CSTPP1: variants seen among roughly 807,000 people sequenced by gnomAD.
CSTPP1 encodes the protein centriolar satellite-associated tubulin polyglutamylase complex regulator 1.
chr11:47,058,621 C>T, the CSTPP1 span, among the ~76,000 whole-genome samples: 1 of 152,104 alleles, frequency 6.6e-6, no homozygotes, highest in Admixed American at 6.6e-5. Context: ...TAGCAATTAA[C>T]ATTTATTAAG....
the CSTPP1 span, among the ~76,000 whole-genome samples, chr11:47,062,440 A>T: frequency 3.6e-4 from 55 of 152,282 alleles, no homozygotes; most frequent in African/African-American, 1.2e-3. Context: ...TCTATATTGT[A>T]TAGGAACTTC....
the CSTPP1 span, among the ~76,000 whole-genome samples, chr11:47,106,162 T>C: frequency 6.6e-6 from 1 of 152,198 alleles, no homozygotes; most frequent in Non-Finnish European, 1.5e-5. Flanking sequence ...ACCGCTCCCA[T>C]GGCTGATTTG....
the CSTPP1 span, chr11:47,155,092 T>G: frequency 1.9e-5 from 15 of 779,260 alleles, no homozygotes; most frequent in East Asian, 4.4e-5. Context: ...CCCCGCACTT[T>G]TCCCTTCCTC....
the CSTPP1 span, among the ~76,000 whole-genome samples, chr11:47,027,479 G>C: frequency 6.6e-6 from 1 of 152,162 alleles, no homozygotes. Flanking sequence ...GCAGCCCCCA[G>C]GGTAGGACCA....
chr11:47,014,347 AAG>A, the CSTPP1 span, among the ~76,000 whole-genome samples: 2 of 150,666 alleles, frequency 1.3e-5, no homozygotes, highest in African/African-American at 4.9e-5. Flanking sequence ...ACAGAAAAGA[AAG>A]AGAAAGGAAG....
the CSTPP1 span, chr11:47,157,255 C>T: frequency 6.6e-7 from 1 of 1,526,490 alleles, no homozygotes; most frequent in Non-Finnish European, 8.8e-7. Flanking sequence ...CCCCCCAGCC[C>T]CAGGGGGTCG....
chr11:47,129,387 A>C, the CSTPP1 span, among the ~76,000 whole-genome samples: 1 of 152,210 alleles, frequency 6.6e-6, no homozygotes, highest in Non-Finnish European at 1.5e-5. Context: ...AATGGGTAGG[A>C]AACTGTGTCC....
chr11:47,040,332 T>C, the CSTPP1 span, among the ~76,000 whole-genome samples: 1 of 127,604 alleles, frequency 7.8e-6, no homozygotes, highest in African/African-American at 2.5e-5. Context: ...GTAACTATTT[T>C]GTGGTTTAAG....
chr11:47,142,007 G>C, the CSTPP1 span, among the ~76,000 whole-genome samples: 3 of 151,146 alleles, frequency 2.0e-5, no homozygotes, highest in Non-Finnish European at 4.4e-5. Flanking sequence ...CAGTTTGGGA[G>C]GCCAAGGTGG....
the CSTPP1 span, chr11:47,155,067 C>G: frequency 3.3e-6 from 3 of 903,176 alleles, no homozygotes; most frequent in Non-Finnish European, 5.5e-6. Context: ...AGGAACAGCT[C>G]TCTCTCTCCC....
the CSTPP1 span, chr11:47,157,977 G>C: frequency 6.6e-7 from 1 of 1,509,540 alleles, no homozygotes; most frequent in South Asian, 1.1e-5. Flanking sequence ...ACAGGGAGCA[G>C]CTGGCCTCTG....
At chr11:47,077,331 C>G in the CSTPP1 span, among the ~76,000 whole-genome samples, 1 of 151,984 alleles carries the variant, frequency 6.6e-6, no homozygotes, top group African/African-American at 2.4e-5. Context: ...TCCCAAGCAG[C>G]TGAGATTAGA....
chr11:47,156,619 G>A, the CSTPP1 span, among the ~76,000 whole-genome samples: 1 of 152,190 alleles, frequency 6.6e-6, no homozygotes, highest in African/African-American at 2.4e-5. Flanking sequence ...TATGTGCCAA[G>A]CACAGTGCTA....
the CSTPP1 span, chr11:47,157,759 C>T: frequency 6.5e-7 from 1 of 1,536,412 alleles, no homozygotes; most frequent in Non-Finnish European, 9.0e-7. Flanking sequence ...AGTATGGATG[C>T]AGAGGTGGCC....
chr11:47,009,395 T>C, the CSTPP1 span, among the ~76,000 whole-genome samples: 1 of 152,174 alleles, frequency 6.6e-6, no homozygotes, highest in African/African-American at 2.4e-5. Context: ...CATAAAGGAA[T>C]CTAATTTGAC....
At chr11:47,136,040 T>A in the CSTPP1 span, among the ~76,000 whole-genome samples, 2 of 152,172 alleles carry the variant, frequency 1.3e-5, no homozygotes, top group Non-Finnish European at 2.9e-5. Flanking sequence ...CCAAGGATAT[T>A]TTGTAGGTAA....
chr11:47,034,714 G>C, the CSTPP1 span, among the ~76,000 whole-genome samples: 2 of 151,966 alleles, frequency 1.3e-5, no homozygotes, highest in Non-Finnish European at 2.9e-5. Flanking sequence ...GCCCAAGCTG[G>C]TTTCAAACTC....
the CSTPP1 span, among the ~76,000 whole-genome samples, chr11:47,009,041 A>AG: frequency 6.6e-6 from 1 of 151,978 alleles, no homozygotes. Flanking sequence ...AAAAAAAAAA[A>AG]AAAAATTTCC....
At chr11:46,969,403 G>A in the CSTPP1 span, among the ~76,000 whole-genome samples, 1 of 152,180 alleles carries the variant, frequency 6.6e-6, no homozygotes, top group African/African-American at 2.4e-5. Flanking sequence ...TTTTATAATT[G>A]TTTGCTGATG....
Sources: gnomAD v4.1 joint callset for allele counts (sites outside exome capture counted in the v4.1 genomes callset) on GRCh38, gnomAD v4.1.1 for gene constraint, MANE v1.5 for transcripts, NCBI Gene and HGNC (gene_info 2026-07-23, HGNC 2026-07-21) for gene names.